The following TTC39B variants were observed in gnomAD, a reference collection of about 807,000 sequenced individuals.
TTC39B encodes the protein tetratricopeptide repeat protein 39B.
Under a neutral mutation model 96.6 loss-of-function variants are expected in TTC39B, and 92 were observed. That is an observed-to-expected ratio of 0.95 (90% CI 0.80 to 1.13). The LOEUF is 1.13. Among genes scored for constraint, TTC39B ranks in the 50% most tolerant of loss-of-function variants. TTC39B has a pLI of 0.00. For missense variants in TTC39B, 955 were observed against 809.3 expected (o/e 1.18, Z -2.18); for synonymous variants, 367 against 299.4 (o/e 1.23, Z -2.33).
rs571680502 is a variant in TTC39B, at chr9:15,265,282, C to G, written c.275+2632G>C. ...ACCAGCCTACTGAAGCCAGTGGGAG[C>G]TCAGAGAAGCACAAGCATCAATGTG... On this transcript the variant is annotated intron_variant, in intron 2 of 19. Coordinates refer to ENST00000512701, the Ensembl canonical transcript of TTC39B. 5.3e-5 allele frequency among the ~76,000 whole-genome samples: 8 copies of G among 152,288 alleles called. No homozygotes were observed. In the South Asian group the frequency reaches 1.7e-3, roughly 32 times the overall value.
chr9:15,182,241 GAA>G, intron 17 of TTC39B, 64 bp downstream of exon 17: 1 of 1,018,006 alleles, frequency 9.8e-7, no homozygotes, highest in Non-Finnish European at 1.5e-6. Flanking sequence ...TGTGCACAGG[GAA>G]AAGACAGGAG....
chr9:15,187,128 A>G lies in TTC39B; in HGVS notation c.1396-93T>C, dbSNP rs1161831486. 4 of 873,568 alleles carry G rather than the reference A, an allele frequency of 4.6e-6. No individual in the cohort carries two copies. The East Asian group carries it at 7.7e-5, about 17-fold the overall frequency. 54.1% of individuals were successfully genotyped at this position (873,568 alleles called of 1,614,324 possible). ...GGAATGACCAACAAGTCTTCCAGAT[A>G]TAAAATTAGAGGCATTAAAGAAATC... On this transcript the variant is annotated intron_variant, in intron 14 of 19. Transcript: ENST00000512701.
chr9:15,176,832 T>C (rs1421745118), intron 18 of TTC39B, among the ~76,000 whole-genome samples: 11 of 152,188 alleles, frequency 7.2e-5, no homozygotes, highest in Non-Finnish European at 1.6e-4. Flanking sequence ...GTTACATATC[T>C]GGCCCCTGTA....
exon 20 of TTC39B, chr9:15,165,410 T>G (rs939031319): frequency 2.0e-5 from 3 of 152,150 alleles, no homozygotes; most frequent in Admixed American, 2.0e-4. Context: ...ACCTGGACGT[T>G]TGTCTACATT....
intron 2 of TTC39B, among the ~76,000 whole-genome samples, chr9:15,265,712 C>A (rs1394708910): frequency 2.0e-5 from 3 of 152,164 alleles, no homozygotes; most frequent in Non-Finnish European, 2.9e-5. Context: ...GCCATGTGAC[C>A]AAGTTCAACA....
At chr9:15,202,088 A>G (rs1317168856) in intron 7 of TTC39B, among the ~76,000 whole-genome samples, 1 of 152,240 alleles carries the variant, frequency 6.6e-6, no homozygotes, top group Admixed American at 6.5e-5. Context: ...CTAAAGCAGC[A>G]TGAATATAAA....
chr9:15,185,285 C>T (rs1269337302), exon 16 of TTC39B: 2 of 1,611,248 alleles, frequency 1.2e-6, no homozygotes, highest in Non-Finnish European at 1.7e-6. Context: ...GATACCAGGG[C>T]AGGTAAGATG....
chr9:15,256,587 C>G (rs895686912), intron 2 of TTC39B, among the ~76,000 whole-genome samples: 1 of 152,076 alleles, frequency 6.6e-6, no homozygotes, highest in Admixed American at 6.5e-5. Flanking sequence ...CAATTAACTG[C>G]AAAATGAGAA....
At chr9:15,175,156 C>T (rs370450178) in intron 18 of TTC39B, 21 bp from the exon 19 acceptor site, 3 of 1,506,126 alleles carry the variant, frequency 2.0e-6, no homozygotes, top group African/African-American at 2.8e-5. Context: ...AGAGGAAAAT[C>T]AAGTAAATCT....
chr9:15,277,289 G>A (rs761301554), intron 1 of TTC39B, among the ~76,000 whole-genome samples: 40 of 152,180 alleles, frequency 2.6e-4, no homozygotes, highest in Admixed American at 2.6e-4. Flanking sequence ...TTAGTTGGGC[G>A]TGGTGGCGCA....
chr9:15,272,595 T>C (rs1458767976), intron 1 of TTC39B, among the ~76,000 whole-genome samples: 1 of 152,144 alleles, frequency 6.6e-6, no homozygotes, highest in Non-Finnish European at 1.5e-5. Context: ...GTAACAGATG[T>C]TTTCATTGAA....
At chr9:15,245,292 A>G (rs1822225083) in intron 2 of TTC39B, among the ~76,000 whole-genome samples, 1 of 152,236 alleles carries the variant, frequency 6.6e-6, no homozygotes, top group Non-Finnish European at 1.5e-5. Context: ...TTCAGTAGAT[A>G]TAAGGGCTCT....
At chr9:15,247,401 C>T (rs1189468142) in intron 2 of TTC39B, among the ~76,000 whole-genome samples, 1 of 152,108 alleles carries the variant, frequency 6.6e-6, no homozygotes. Flanking sequence ...TCAAGATGTG[C>T]TATAATATCT....
chr9:15,215,618 G>A (rs995550685), intron 3 of TTC39B, among the ~76,000 whole-genome samples: 4 of 151,328 alleles, frequency 2.6e-5, no homozygotes, highest in Non-Finnish European at 5.9e-5. Flanking sequence ...AGCACTTTGG[G>A]AGGCCGAGGC....
In TTC39B at chr9:15,254,828, T is replaced by TACAC. The variant is rs35980691; in HGVS notation, c.275+13082_275+13085dup. ...GGGAGATCTGACACACATAACTTTA[T>TACAC]ACACACACACACACACACACACACA... On this transcript the variant is annotated intron_variant, in intron 2 of 19. Transcript: ENST00000512701. 6.8e-3 allele frequency among the ~76,000 whole-genome samples: 976 copies of TACAC among 143,828 alleles called. 6 individuals carry two copies. The highest frequency in any genetic ancestry group is 0.016 in the East Asian group (78 of 4,944). The allele number at this position is 143,828 out of a possible 152,430, so 94.4% of individuals were successfully genotyped here.
chr9:15,199,296 C>G (rs1229625919), intron 8 of TTC39B, among the ~76,000 whole-genome samples: 1 of 152,158 alleles, frequency 6.6e-6, no homozygotes, highest in Non-Finnish European at 1.5e-5. Context: ...AGAGAGAAAA[C>G]TAAAATTATC....
At chr9:15,179,842 A>G (rs10738389) in intron 17 of TTC39B, among the ~76,000 whole-genome samples, 112,161 of 152,132 alleles carry the variant, frequency 0.74, 41,909 homozygotes, top group East Asian at 0.95. Context: ...TGTAACTTCT[A>G]TGACGAACTT....
intron 2 of TTC39B, among the ~76,000 whole-genome samples, chr9:15,247,994 G>C (rs59429197): frequency 0.027 from 4,125 of 152,296 alleles, 188 homozygotes; most frequent in African/African-American, 0.094. Context: ...AACTGAGTTA[G>C]TCTTTGTGCA....
At chr9:15,196,435 A>G (rs764206836) in intron 8 of TTC39B, among the ~76,000 whole-genome samples, 2 of 152,228 alleles carry the variant, frequency 1.3e-5, no homozygotes, top group Non-Finnish European at 2.9e-5. Context: ...AAATGTCCAC[A>G]TTAACAGGAG....
Sources: gnomAD v4.1 joint callset for allele counts (sites outside exome capture counted in the v4.1 genomes callset) on GRCh38, gnomAD v4.1.1 for gene constraint, MANE v1.5 for transcripts, NCBI Gene and HGNC (gene_info 2026-07-23, HGNC 2026-07-21) for gene names.